The following KCNN2 variants were observed in gnomAD, a reference collection of about 807,000 sequenced individuals.
KCNN2 encodes the protein small conductance calcium-activated potassium channel protein 2.
In KCNN2, 24 loss-of-function variants were observed where a neutral mutation model predicts 55.5. The observed-to-expected ratio is 0.43, with a 90% CI of 0.31 to 0.61. The LOEUF (loss-of-function observed/expected upper bound fraction) is 0.61. KCNN2 is among the 20% of genes least tolerant of loss of function. KCNN2 has a pLI of 0.08. For synonymous variants in KCNN2, 431 were observed against 336.1 expected (o/e 1.28, Z -3.09); for missense variants, 754 against 853.6 (o/e 0.88, Z 1.45).
chr5:114,294,764 C>A (rs1188980891), intron 2 of KCNN2, among the ~76,000 whole-genome samples: 1 of 152,096 alleles, frequency 6.6e-6, no homozygotes, highest in Non-Finnish European at 1.5e-5. Context: ...ATTTCTGTGT[C>A]ATTGATCTGT....
At position 114,362,876 on chromosome 5, in the gene KCNN2, T is replaced by A. The variant is rs762083731; in HGVS notation, c.737T>A (p.Leu246Gln). ...LHEMDSEAQP[L>Q]QPPASVGGGG... ...GAGATGGACTCAGAGGCGCAGCCCC[T>A]GCAGCCCCCCGCGTCTGTCGGAGGA... The change falls in exon 1 of 8, where the codon CTG (leucine) becomes CAG (glutamine). Residue 246 changes from leucine to glutamine, a missense_variant. Around this residue, in one of 4 missense-constraint regions of KCNN2, gnomAD observed 381 missense variants for 259.1 expected, o/e 1.47. Coordinates refer to ENST00000673685, the MANE Select transcript of KCNN2 (RefSeq NM_021614.4). 1.3e-6 allele frequency: 2 copies of A among 1,598,960 alleles called. No homozygotes were observed. Among genetic ancestry groups the A allele is most frequent in the Non-Finnish European group, 1.7e-6 (2 of 1,178,802 alleles).
intron 2 of KCNN2, among the ~76,000 whole-genome samples, chr5:114,297,380 G>A (rs1180960765): frequency 1.3e-5 from 2 of 151,832 alleles, no homozygotes; most frequent in African/African-American, 4.8e-5. Context: ...GCAAATCAAA[G>A]TTTTGTTGAT....
At chr5:114,059,512 T>TC (rs1750282572) in intron 1 of KCNN2, among the ~76,000 whole-genome samples, 1 of 152,198 alleles carries the variant, frequency 6.6e-6, no homozygotes, top group Non-Finnish European at 1.5e-5. Context: ...ATGTGTTTTT[T>TC]CCCCTAGCAA....
intron 3 of KCNN2, among the ~76,000 whole-genome samples, chr5:114,407,002 C>T (rs1480072502): frequency 1.3e-5 from 2 of 152,116 alleles, no homozygotes; most frequent in African/African-American, 2.4e-5. Context: ...TTCTGGTATT[C>T]AGGGTCTAGC....
At chr5:114,112,608 C>G (rs1379754197) in intron 1 of KCNN2, among the ~76,000 whole-genome samples, 5 of 151,922 alleles carry the variant, frequency 3.3e-5, no homozygotes, top group Non-Finnish European at 7.4e-5. Flanking sequence ...GGGCGATTCT[C>G]TAGTAAGTAT....
chr5:114,374,932 T>C (rs1169348900), intron 2 of KCNN2, among the ~76,000 whole-genome samples: 2 of 152,190 alleles, frequency 1.3e-5, no homozygotes, highest in East Asian at 3.8e-4. Flanking sequence ...TGTGACTTTA[T>C]TGTCTAGTTA....
Position 114,496,381 on chromosome 5 carries a change from T to A in KCNN2, c.*199T>A. The A allele has an allele frequency of 1.8e-6, 1 of 570,218 alleles. No individual in the cohort carries two copies. The highest frequency in any genetic ancestry group is 3.1e-6 in the Non-Finnish European group (1 of 325,764). The allele number at this position is 570,218 out of a possible 1,614,324, so 35.3% of individuals were successfully genotyped here. A position where few individuals can be genotyped will look rare whatever the true frequency, so the allele number is the denominator to read the frequency against. On this transcript the variant is annotated 3_prime_UTR_variant, in exon 8 of 8. Coordinates refer to ENST00000673685, the MANE Select transcript of KCNN2 (RefSeq NM_021614.4). The stretch of plus-strand genomic sequence containing the variant: ...CTTTCAGATGCACAGGGAATGCACC[T>A]ATTATTGCTATATAGATTGTTCCTC...
intron 2 of KCNN2, among the ~76,000 whole-genome samples, chr5:114,236,464 C>T (rs1256264405): frequency 1.3e-5 from 2 of 151,970 alleles, no homozygotes; most frequent in African/African-American, 4.8e-5. Flanking sequence ...TGTTGATCCA[C>T]ATATAGCTAC....
intron 1 of KCNN2, among the ~76,000 whole-genome samples, chr5:114,121,792 C>G (rs2954365): frequency 0.2 from 29,677 of 152,126 alleles, 3,495 homozygotes; most frequent in African/African-American, 0.32. Flanking sequence ...GTTGGATAAG[C>G]GAGAGACATT....
intron 2 of KCNN2, among the ~76,000 whole-genome samples, chr5:114,289,244 A>G (rs370662447): frequency 2.6e-5 from 4 of 152,128 alleles, no homozygotes; most frequent in South Asian, 2.1e-4. Context: ...TTGGATTGCC[A>G]TAACTTTATG....
chr5:114,424,254 A>G (rs1018444627), intron 3 of KCNN2, among the ~76,000 whole-genome samples: 1 of 152,212 alleles, frequency 6.6e-6, no homozygotes, highest in Non-Finnish European at 1.5e-5. Context: ...TTCTTTCACT[A>G]ATGCTCTGAA....
chr5:114,379,669 GAATATATTATATAACATATTATATATTTA>G (rs1561596604), intron 2 of KCNN2, among the ~76,000 whole-genome samples: 71 of 89,746 alleles, frequency 7.9e-4, no homozygotes, highest in African/African-American at 4.3e-3. Context: ...TATATTTATA[GAATATATTATATAACATATTATATATTTA>G]TAGAATATAT....
chr5:114,396,551 CTT>C (rs11293896), intron 2 of KCNN2, among the ~76,000 whole-genome samples: 136 of 140,374 alleles, frequency 9.7e-4, no homozygotes, highest in Admixed American at 1.1e-3. Flanking sequence ...AATAGGTAGT[CTT>C]TTTTTTTTTT....
At chr5:114,101,040 T>G in intron 1 of KCNN2, among the ~76,000 whole-genome samples, 1 of 152,194 alleles carries the variant, frequency 6.6e-6, no homozygotes, top group East Asian at 1.9e-4. Context: ...TTAATAACTT[T>G]ATATTTTTCA....
chr5:114,134,381 C>G (rs1032220301), intron 1 of KCNN2, among the ~76,000 whole-genome samples: 1 of 151,346 alleles, frequency 6.6e-6, no homozygotes, highest in Non-Finnish European at 1.5e-5. Context: ...GAAAGCTTGA[C>G]TTATATGTTG....
chr5:114,350,441 G>A (rs1757187158), intron 2 of KCNN2, among the ~76,000 whole-genome samples: 2 of 151,722 alleles, frequency 1.3e-5, no homozygotes, highest in African/African-American at 2.4e-5. Flanking sequence ...GGTATCCTTT[G>A]AAGCACAAGT....
At chr5:114,084,114 A>C (rs756215880) in intron 1 of KCNN2, among the ~76,000 whole-genome samples, 2 of 152,102 alleles carry the variant, frequency 1.3e-5, no homozygotes, top group Non-Finnish European at 2.9e-5. Context: ...TCTTTTTGGC[A>C]AATATGAATA....
intron 1 of KCNN2, among the ~76,000 whole-genome samples, chr5:114,069,645 T>C (rs1289668356): frequency 1.3e-5 from 2 of 152,186 alleles, no homozygotes; most frequent in Non-Finnish European, 2.9e-5. Flanking sequence ...TCAAAGTTAA[T>C]AAAGCTTGTT....
At chr5:114,098,696 C>A (rs905007118) in intron 1 of KCNN2, among the ~76,000 whole-genome samples, 3 of 152,256 alleles carry the variant, frequency 2.0e-5, no homozygotes, top group East Asian at 3.9e-4. Context: ...TACCACACTT[C>A]TCTTTTATGG....
Sources: allele counts gnomAD v4.1 joint callset (sites outside exome capture counted in the v4.1 genomes callset), GRCh38; gene constraint gnomAD v4.1.1; regional missense constraint gnomAD v4.1.1; transcripts MANE v1.5; gene names NCBI Gene and HGNC (gene_info 2026-07-23, HGNC 2026-07-21).